Variants in CD1B observed in about 807,000 individuals in gnomAD.
The protein encoded by CD1B is CD1b molecule.
CD1B carries 43 observed loss-of-function variants against 39.8 expected under a neutral mutation model. The observed-to-expected ratio is 1.08, with a 90% CI of 0.85 to 1.39. The LOEUF is 1.39. Ranked by LOEUF, CD1B falls within the 40% of genes most tolerant of loss-of-function variation. The probability of loss-of-function intolerance (pLI) is 0.00; values close to 1 mark genes in which losing one functional copy is unlikely to be tolerated. For missense variants in CD1B, 495 were observed against 403.8 expected (o/e 1.23, Z -1.94); for synonymous variants, 192 against 152.5 (o/e 1.26, Z -1.91).
chr1:158,328,401 C>T (rs759665112), intron 5 of CD1B, 144 bp from the exon 6 acceptor site: 22 of 582,284 alleles, frequency 3.8e-5, no homozygotes, highest in South Asian at 1.9e-4. Flanking sequence ...ATGTGTTATA[C>T]GCATATGGTG....
the CD1B span, among the ~76,000 whole-genome samples, chr1:158,296,987 AAGAG>A: frequency 1.3e-5 from 2 of 151,344 alleles, no homozygotes; most frequent in African/African-American, 2.4e-5. Flanking sequence ...ATGTCCCTGA[AAGAG>A]AGAGAGAGAG....
At chr1:158,322,269 C>A in the CD1B span, among the ~76,000 whole-genome samples, 1 of 152,140 alleles carries the variant, frequency 6.6e-6, no homozygotes, top group Non-Finnish European at 1.5e-5. Context: ...CAGGGTCTTA[C>A]TCTATCACCC....
the CD1B span, among the ~76,000 whole-genome samples, chr1:158,318,234 T>C: frequency 2.0e-5 from 3 of 152,138 alleles, no homozygotes; most frequent in Admixed American, 2.0e-4. Context: ...CTTTCTGTCT[T>C]GTTGATCTGT....
downstream of CD1B, among the ~76,000 whole-genome samples, chr1:158,323,729 T>C (rs921079637): frequency 6.6e-6 from 1 of 152,234 alleles, no homozygotes; most frequent in Non-Finnish European, 1.5e-5. Context: ...CTAGGTTCAC[T>C]GTGAGTCTCA....
chr1:158,316,232 G>C, the CD1B span, among the ~76,000 whole-genome samples: 106 of 151,980 alleles, frequency 7.0e-4, 4 homozygotes, highest in African/African-American at 2.5e-3. Flanking sequence ...CATTGAATCT[G>C]TAAATTACCT....
the CD1B span, among the ~76,000 whole-genome samples, chr1:158,307,853 T>G: frequency 6.6e-6 from 1 of 152,108 alleles, no homozygotes; most frequent in Admixed American, 6.6e-5. Flanking sequence ...TAAGAGCTAT[T>G]TATGACAAAC....
At chr1:158,293,353 C>A in the CD1B span, 1 of 1,592,998 alleles carries the variant, frequency 6.3e-7, no homozygotes, top group Non-Finnish European at 8.6e-7. Context: ...TTTCACATTC[C>A]ATTTTTCACT....
chr1:158,288,038 T>C, the CD1B span, among the ~76,000 whole-genome samples: 1 of 152,214 alleles, frequency 6.6e-6, no homozygotes, highest in Non-Finnish European at 1.5e-5. Flanking sequence ...GTTGCATCTT[T>C]CCTGTAGGAA....
At chr1:158,309,974 C>A in the CD1B span, among the ~76,000 whole-genome samples, 32 of 124,044 alleles carry the variant, frequency 2.6e-4, no homozygotes, top group Non-Finnish European at 3.2e-5. Flanking sequence ...TAAAACTTAA[C>A]GTATAATAAT....
chr1:158,329,960 T>C lies in CD1B; in HGVS notation c.499A>G (p.Ile167Val). 6.2e-7 allele frequency: 1 copy of C among 1,613,996 alleles called. No homozygotes were observed. Among genetic ancestry groups the C allele is most frequent in the Non-Finnish European group, 8.5e-7 (1 of 1,179,984 alleles). ...GTTTCCATGATACCTTGATATTGTATGATTAGTGCACAGAATTTCTGTGCC... is the reference window on the plus strand; with the variant it reads ...GTTTCCATGATACCTTGATATTGTACGATTAGTGCACAGAATTTCTGTGCC... Reference protein sequence around the residue: ...SRAQKFCALIIQYQGIMETVR... With the variant: ...SRAQKFCALIVQYQGIMETVR... Residue 167 changes from isoleucine to valine, a missense_variant, in exon 3 of 6, where the codon ATA becomes GTA. Ile to Val is a conservative substitution (Grantham distance 29, BLOSUM62 3). Transcript: ENST00000368168.
chr1:158,303,183 A>C, the CD1B span, among the ~76,000 whole-genome samples: 1 of 152,212 alleles, frequency 6.6e-6, no homozygotes, highest in Non-Finnish European at 1.5e-5. Flanking sequence ...CAAAAAACAC[A>C]TGATTATCTC....
chr1:158,292,901 T>C, the CD1B span: 13 of 1,609,502 alleles, frequency 8.1e-6, no homozygotes, highest in Admixed American at 5.0e-5. Context: ...GAAGTGTAGG[T>C]AGGTGGTTCT....
At chr1:158,326,410 G>A (rs1237687404), downstream of CD1B, among the ~76,000 whole-genome samples, 1 of 151,994 alleles carries the variant, frequency 6.6e-6, no homozygotes, top group Non-Finnish European at 1.5e-5. Context: ...ACAAATTCTA[G>A]GATAAAAATG....
At chr1:158,329,690 G>A (rs540410313) in intron 3 of CD1B, 42 bp from the exon 4 acceptor site, 50 of 1,599,184 alleles carry the variant, frequency 3.1e-5, no homozygotes, top group Admixed American at 1.0e-4. Flanking sequence ...GTTATAACTC[G>A]AGTTCAGAGG....
At chr1:158,324,791 G>A (rs1390973935), downstream of CD1B, among the ~76,000 whole-genome samples, 1 of 151,960 alleles carries the variant, frequency 6.6e-6, no homozygotes, top group Non-Finnish European at 1.5e-5. Context: ...AAGAAGTTTC[G>A]GCAAGAACCT....
the CD1B span, among the ~76,000 whole-genome samples, chr1:158,316,242 T>C: frequency 6.6e-6 from 1 of 152,054 alleles, no homozygotes; most frequent in South Asian, 2.1e-4. Flanking sequence ...GTAAATTACC[T>C]TGGGCAGTAT....
chr1:158,312,500 C>A, the CD1B span, among the ~76,000 whole-genome samples: 2 of 152,042 alleles, frequency 1.3e-5, no homozygotes, highest in African/African-American at 4.8e-5. Context: ...TACAAAATAC[C>A]TTTCCAATAA....
At chr1:158,310,856 C>G in the CD1B span, among the ~76,000 whole-genome samples, 4 of 152,272 alleles carry the variant, frequency 2.6e-5, no homozygotes, top group Admixed American at 1.3e-4. Flanking sequence ...TACTTACACT[C>G]TGCTGGTGGG....
the CD1B span, among the ~76,000 whole-genome samples, chr1:158,303,755 G>A: frequency 6.6e-6 from 1 of 152,048 alleles, no homozygotes; most frequent in African/African-American, 2.4e-5. Context: ...ATAAAGCACT[G>A]CTAAAAAATC....
Sources: allele counts gnomAD v4.1 joint callset (sites outside exome capture counted in the v4.1 genomes callset), GRCh38; gene constraint gnomAD v4.1.1; transcripts MANE v1.5; gene names NCBI Gene and HGNC (gene_info 2026-07-23, HGNC 2026-07-21).